The following GRIN2A variants were observed in gnomAD, a reference collection of about 807,000 sequenced individuals.
GRIN2A encodes the protein glutamate receptor ionotropic, NMDA 2A.
Under a neutral mutation model 113.4 loss-of-function variants are expected in GRIN2A, and 22 were observed. The ratio of observed to expected loss-of-function variants is 0.19; its 90% CI spans 0.14 to 0.28. The LOEUF (loss-of-function observed/expected upper bound fraction) is 0.28, where lower values mean the gene tolerates loss of function less well. Ranked by LOEUF, GRIN2A falls within the 10% of genes least tolerant of loss-of-function variation. The pLI is 1.00. For synonymous variants in GRIN2A, 827 were observed against 738.4 expected (o/e 1.12, Z -1.94); for missense variants, 1,502 against 1,887.0 (o/e 0.80, Z 3.78).
chr16:10,045,199 T>C (rs2047236985), intron 2 of GRIN2A, among the ~76,000 whole-genome samples: 1 of 152,194 alleles, frequency 6.6e-6, no homozygotes, highest in East Asian at 1.9e-4. Flanking sequence ...ATTCAAGGAT[T>C]TCTGGTAAGA....
chr16:9,766,326 G>A (rs1047625429), intron 12 of GRIN2A, among the ~76,000 whole-genome samples: 3 of 152,198 alleles, frequency 2.0e-5, no homozygotes, highest in Non-Finnish European at 2.9e-5. Flanking sequence ...GGATGCTCAC[G>A]GAACTGTGAC....
chr16:9,869,767 C>T (rs2043223416), intron 4 of GRIN2A, among the ~76,000 whole-genome samples: 1 of 152,216 alleles, frequency 6.6e-6, no homozygotes. Flanking sequence ...AGTCCCTGCT[C>T]AACCAGGATT....
At chr16:9,892,638 T>C (rs2043716686) in intron 3 of GRIN2A, among the ~76,000 whole-genome samples, 1 of 152,118 alleles carries the variant, frequency 6.6e-6, no homozygotes, top group African/African-American at 2.4e-5. Context: ...CCTTACAACA[T>C]TTATACCCTC....
intron 6 of GRIN2A, 28 bp from the exon 7 acceptor site, chr16:9,840,828 A>AG (rs922105349): frequency 6.6e-7 from 1 of 1,504,630 alleles, no homozygotes; most frequent in African/African-American, 1.5e-5. Context: ...AAAAAAAAAA[A>AG]AAAAAGAGAG....
intron 4 of GRIN2A, among the ~76,000 whole-genome samples, chr16:9,888,815 C>A (rs914310549): frequency 2.0e-5 from 3 of 151,894 alleles, no homozygotes; most frequent in African/African-American, 7.3e-5. Context: ...TTTATCATAA[C>A]TGGATATTGA....
chr16:10,179,780 T>C, intron 2 of GRIN2A: 1 of 598,922 alleles, frequency 1.7e-6, no homozygotes, highest in Non-Finnish European at 3.0e-6. Flanking sequence ...AGTGCTCCTG[T>C]GTACACCATT....
Position 10,053,835 on chromosome 16 carries a change from A to G in GRIN2A, c.415-115284T>C, listed in dbSNP as rs560462232. On this transcript the variant is annotated intron_variant, in intron 2 of 12. Coordinates refer to ENST00000330684, the MANE Select transcript of GRIN2A (RefSeq NM_001134407.3). The stretch of plus-strand genomic sequence containing the variant: ...CATAAATGGATATATTTGAATATGG[A>G]ATGACAATAAGAAGTTAAAATTTAA... 5.3e-5 allele frequency among the ~76,000 whole-genome samples: 8 copies of G among 152,294 alleles called. No homozygotes were observed. The East Asian group carries it at 1.5e-3, about 29-fold the overall frequency.
chr16:9,780,181 A>G (rs1160981661), intron 11 of GRIN2A, among the ~76,000 whole-genome samples: 1 of 152,258 alleles, frequency 6.6e-6, no homozygotes, highest in Non-Finnish European at 1.5e-5. Context: ...AAATTGGTTT[A>G]CATTTTCAGA....
Position 9,972,554 on chromosome 16 carries a change from G to A in GRIN2A, c.415-34003C>T, listed in dbSNP as rs57497843. 2.6e-5 allele frequency among the ~76,000 whole-genome samples: 4 copies of A among 151,896 alleles called. No homozygotes were observed. In the East Asian group the frequency reaches 5.8e-4, roughly 22 times the overall value. On this transcript the variant is annotated intron_variant, in intron 2 of 12. Transcript: ENST00000330684. The stretch of plus-strand genomic sequence containing the variant: ...CTCATCACAAAGAAAAAGGTAGGAA[G>A]CCTCAGAAGAGGAAAATAAAAAAAA...
intron 2 of GRIN2A, among the ~76,000 whole-genome samples, chr16:9,985,775 A>G (rs2045968238): frequency 6.6e-6 from 1 of 152,190 alleles, no homozygotes; most frequent in African/African-American, 2.4e-5. Context: ...GTAAGATCTA[A>G]TATTTAATAG....
intron 12 of GRIN2A, 109 bp from the exon 13 acceptor site, chr16:9,765,057 C>T (rs910521055): frequency 6.9e-7 from 1 of 1,441,228 alleles, no homozygotes; most frequent in Non-Finnish European, 9.6e-7. Context: ...CTTGCAGGAG[C>T]CCTGGAGAAA....
At chr16:9,976,597 G>A (rs976206842) in intron 2 of GRIN2A, among the ~76,000 whole-genome samples, 1 of 152,178 alleles carries the variant, frequency 6.6e-6, no homozygotes, top group Non-Finnish European at 1.5e-5. Flanking sequence ...AGTGCTGGTG[G>A]CATTCAGCAT....
chr16:10,157,522 A>G (rs1193321677), intron 2 of GRIN2A, among the ~76,000 whole-genome samples: 1 of 152,234 alleles, frequency 6.6e-6, no homozygotes, highest in Non-Finnish European at 1.5e-5. Flanking sequence ...ACAGTTCTGC[A>G]TGGCTGGGGA....
At chr16:9,824,645 C>T (rs914522771) in intron 9 of GRIN2A, among the ~76,000 whole-genome samples, 3 of 152,164 alleles carry the variant, frequency 2.0e-5, no homozygotes, top group Admixed American at 2.0e-4. Context: ...CTCCAGGAAC[C>T]TTTTCCACTA....
At chr16:9,786,767 CCTTA>C (rs1902254496) in intron 11 of GRIN2A, among the ~76,000 whole-genome samples, 1 of 152,132 alleles carries the variant, frequency 6.6e-6, no homozygotes, top group Non-Finnish European at 1.5e-5. Flanking sequence ...ATCCTGGACA[CCTTA>C]CTTAACTGAC....
chr16:10,071,536 C>G (rs773547426), intron 2 of GRIN2A, among the ~76,000 whole-genome samples: 1 of 152,166 alleles, frequency 6.6e-6, no homozygotes, highest in Non-Finnish European at 1.5e-5. Flanking sequence ...GTGCATTATG[C>G]CCCCAGGATG....
At chr16:9,896,053 CTT>C (rs35262828) in intron 3 of GRIN2A, among the ~76,000 whole-genome samples, 11 of 147,126 alleles carry the variant, frequency 7.5e-5, no homozygotes, top group African/African-American at 1.7e-4. Context: ...GTCACAGCAA[CTT>C]TTTTTTTTTT....
intron 2 of GRIN2A, among the ~76,000 whole-genome samples, chr16:9,950,921 G>C (rs2045164316): frequency 6.6e-6 from 1 of 152,130 alleles, no homozygotes; most frequent in Non-Finnish European, 1.5e-5. Context: ...ATCTCATTCA[G>C]TCTTTAACGA....
At chr16:9,817,360 G>C (rs1385987215) in intron 10 of GRIN2A, among the ~76,000 whole-genome samples, 1 of 152,176 alleles carries the variant, frequency 6.6e-6, no homozygotes, top group African/African-American at 2.4e-5. Context: ...CATAGCTAGA[G>C]AGAAAGCCTT....
Sources: gnomAD v4.1 joint callset for allele counts (sites outside exome capture counted in the v4.1 genomes callset) on GRCh38, gnomAD v4.1.1 for gene constraint, MANE v1.5 for transcripts, NCBI Gene and HGNC (gene_info 2026-07-23, HGNC 2026-07-21) for gene names.